Variants in BNC2 observed in about 807,000 individuals in gnomAD.
BNC2 encodes basonuclin zinc finger protein 2.
BNC2 carries 20 observed loss-of-function variants against 76.3 expected under a neutral mutation model. The observed-to-expected ratio is 0.26, with a 90% CI of 0.18 to 0.38. The LOEUF (loss-of-function observed/expected upper bound fraction) is 0.38, where lower values mean the gene tolerates loss of function less well. BNC2 is among the 10% of genes least tolerant of loss of function. The pLI is 1.00. For missense variants in BNC2, 1,382 were observed against 1,399.8 expected (o/e 0.99, Z 0.20); for synonymous variants, 582 against 514.8 (o/e 1.13, Z -1.77).
At chr9:16,749,701 TA>T (rs58541493) in intron 1 of BNC2, among the ~76,000 whole-genome samples, 118,245 of 144,012 alleles carry the variant, frequency 0.82, 48,532 homozygotes, top group African/African-American at 0.85. Flanking sequence ...TCCTGTGCTT[TA>T]AAAAAAAAAA....
chr9:16,427,707 G>C lies in BNC2; in HGVS notation c.2639+7848C>G, dbSNP rs78317769. On this transcript the variant is annotated intron_variant, in intron 6 of 6. Transcript: ENST00000380672. ...ATCCCAGTCACGCATGAGGATCCAAGAATTTCACCTTGGGTGCTCTGAGGT... is the reference window on the plus strand; with the variant it reads ...ATCCCAGTCACGCATGAGGATCCAACAATTTCACCTTGGGTGCTCTGAGGT... 3.2e-4 allele frequency among the ~76,000 whole-genome samples: 49 copies of C among 152,302 alleles called. 2 individuals are homozygous for C. The East Asian group carries it at 9.3e-3, about 29-fold the overall frequency.
At chr9:16,694,538 T>C (rs964151565) in intron 3 of BNC2, among the ~76,000 whole-genome samples, 3 of 152,180 alleles carry the variant, frequency 2.0e-5, no homozygotes, top group African/African-American at 7.2e-5. Flanking sequence ...AGGCCACAGA[T>C]GGTACCAACA....
chr9:16,833,526 G>A (rs1289812431), intron 1 of BNC2, among the ~76,000 whole-genome samples: 1 of 152,136 alleles, frequency 6.6e-6, no homozygotes, highest in Non-Finnish European at 1.5e-5. Flanking sequence ...GGTTCCTTTA[G>A]CCTTACTTCA....
intron 1 of BNC2, among the ~76,000 whole-genome samples, chr9:16,762,373 T>A (rs1345376425): frequency 3.3e-5 from 5 of 152,112 alleles, no homozygotes; most frequent in Non-Finnish European, 7.3e-5. Flanking sequence ...CCCCCAAATG[T>A]TTTTCTCTTT....
At chr9:16,658,291 G>C (rs1821990798) in intron 3 of BNC2, among the ~76,000 whole-genome samples, 1 of 148,466 alleles carries the variant, frequency 6.7e-6, no homozygotes, top group Admixed American at 6.8e-5. Flanking sequence ...ACAGCTATAA[G>C]GCTGGAGAAT....
At chr9:16,575,259 T>A (rs1039075765) in intron 4 of BNC2, 4 of 985,210 alleles carry the variant, frequency 4.1e-6, no homozygotes, top group Non-Finnish European at 2.4e-6. Context: ...GTATATTGCC[T>A]CCCATTCATT....
chr9:16,526,084 A>C (rs1023833968), intron 5 of BNC2, among the ~76,000 whole-genome samples: 2 of 152,158 alleles, frequency 1.3e-5, no homozygotes, highest in Admixed American at 1.3e-4. Context: ...AGGTAAACTA[A>C]AATGCTTCAT....
intron 3 of BNC2, among the ~76,000 whole-genome samples, chr9:16,689,699 C>T (rs1348149872): frequency 6.6e-6 from 1 of 151,952 alleles, no homozygotes; most frequent in Non-Finnish European, 1.5e-5. Context: ...CATCAGAGTG[C>T]TCCTCAGAGA....
At chr9:16,498,515 G>C (rs369886515) in intron 5 of BNC2, among the ~76,000 whole-genome samples, 1 of 151,104 alleles carries the variant, frequency 6.6e-6, no homozygotes, top group East Asian at 1.9e-4. Flanking sequence ...GGGACTTAGG[G>C]GGAAGAGTGG....
chr9:16,495,652 C>T (rs984550629), intron 5 of BNC2, among the ~76,000 whole-genome samples: 5 of 152,164 alleles, frequency 3.3e-5, no homozygotes, highest in Admixed American at 6.5e-5. Flanking sequence ...GGGCTTTATC[C>T]GCTCAGAAAG....
chr9:16,797,551 C>T (rs1817688159), intron 1 of BNC2, among the ~76,000 whole-genome samples: 1 of 152,086 alleles, frequency 6.6e-6, no homozygotes, highest in Admixed American at 6.6e-5. Flanking sequence ...TCGTTGGCCT[C>T]TTAAGGATGA....
chr9:16,570,145 A>G (rs1819280103), intron 4 of BNC2, among the ~76,000 whole-genome samples: 2 of 152,222 alleles, frequency 1.3e-5, no homozygotes, highest in Admixed American at 6.5e-5. Flanking sequence ...CATTAAGCAA[A>G]AAGTGCAAAG....
intron 3 of BNC2, among the ~76,000 whole-genome samples, chr9:16,665,675 T>C (rs926005126): frequency 1.3e-5 from 2 of 152,162 alleles, no homozygotes; most frequent in Non-Finnish European, 2.9e-5. Context: ...TGAAAATGCA[T>C]AATGCAAGTT....
intron 5 of BNC2, among the ~76,000 whole-genome samples, chr9:16,476,744 A>C (rs2131445152): frequency 6.6e-6 from 1 of 152,196 alleles, no homozygotes; most frequent in African/African-American, 2.4e-5. Flanking sequence ...ATGCTGAGTT[A>C]ATCTACTGTG....
At chr9:16,530,180 A>T (rs73417460) in intron 5 of BNC2, among the ~76,000 whole-genome samples, 8,696 of 150,692 alleles carry the variant, frequency 0.058, 837 homozygotes, top group African/African-American at 0.2. Flanking sequence ...TTTTTTTTTT[A>T]AAAAAGCCTT....
At chr9:16,513,712 G>T (rs1402470031) in intron 5 of BNC2, among the ~76,000 whole-genome samples, 1 of 152,196 alleles carries the variant, frequency 6.6e-6, no homozygotes, top group Non-Finnish European at 1.5e-5. Context: ...GTTTCATTCA[G>T]AGTTGTACAT....
intron 6 of BNC2, among the ~76,000 whole-genome samples, chr9:16,427,336 T>C (rs1236662565): frequency 6.6e-6 from 1 of 152,214 alleles, no homozygotes; most frequent in African/African-American, 2.4e-5. Context: ...TTTGGAATTA[T>C]GATTAATGGC....
At chr9:16,764,532 T>C (rs1017331159) in intron 1 of BNC2, among the ~76,000 whole-genome samples, 2 of 152,208 alleles carry the variant, frequency 1.3e-5, no homozygotes, top group African/African-American at 4.8e-5. Context: ...CAATATGCCA[T>C]AAATTGTATT....
rs181215049 is a variant in BNC2 at position 16,490,054 on chromosome 9, T to C, written c.670-52530A>G. 3.9e-5 allele frequency among the ~76,000 whole-genome samples: 6 copies of C among 152,340 alleles called. No homozygotes were observed. In the East Asian group the frequency reaches 1.2e-3, roughly 29 times the overall value. On this transcript the variant is annotated intron_variant, in intron 5 of 6. Coordinates refer to ENST00000380672, the MANE Select transcript of BNC2 (RefSeq NM_017637.6). The stretch of plus-strand genomic sequence containing the variant: ...CCAATAATGCTCAAATGCAAATGTC[T>C]AATTTAATACAATTCAAGTAGGAAC...
Sources: allele counts gnomAD v4.1 joint callset (sites outside exome capture counted in the v4.1 genomes callset), GRCh38; gene constraint gnomAD v4.1.1; transcripts MANE v1.5; gene names NCBI Gene and HGNC (gene_info 2026-07-23, HGNC 2026-07-21).